Variants in USP34 observed in about 807,000 individuals in gnomAD.
USP34 encodes the protein ubiquitin specific peptidase 34.
USP34 carries 70 observed loss-of-function variants against 460.3 expected under a neutral mutation model. The observed-to-expected ratio is 0.15, with a 90% confidence interval of 0.13 to 0.19. The LOEUF is 0.19. Among genes scored for constraint, USP34 ranks in the 10% least tolerant of loss-of-function variants. The probability of loss-of-function intolerance (pLI) is 1.00; values close to 1 mark genes in which losing one functional copy is unlikely to be tolerated. For missense variants in USP34, 3,985 were observed against 4,236.2 expected (o/e 0.94, Z 1.65); for synonymous variants, 1,647 against 1,405.3 (o/e 1.17, Z -3.85).
At chr2:61,430,227 A>G (rs1299504611) in intron 1 of USP34, among the ~76,000 whole-genome samples, 1 of 129,354 alleles carries the variant, frequency 7.7e-6, no homozygotes, top group Non-Finnish European at 1.7e-5. Flanking sequence ...AAAAAAAAAA[A>G]AAAGAAAAGA....
Position 61,319,025 on chromosome 2 carries a change from C to CA in USP34, c.3168+147dup, listed in dbSNP as rs1572930688. The stretch of plus-strand genomic sequence containing the variant: ...CAACAAAATTAGAGCACAATCTGAC[C>CA]AAAAATTATATTAGGACTGCTAAAA... On this transcript the variant is annotated intron_variant, in intron 22 of 79. Coordinates refer to ENST00000398571, the MANE Select transcript of USP34 (RefSeq NM_014709.4). The CA allele has an allele frequency of 5.8e-6, 4 of 688,100 alleles. No homozygotes were observed. The East Asian group carries it at 1.0e-4, about 17-fold the overall frequency. 42.6% of individuals were successfully genotyped at this position (688,100 alleles called of 1,614,324 possible). A position where few individuals can be genotyped will look rare whatever the true frequency, so the allele number is the denominator to read the frequency against.
In USP34 at chr2:61,350,397, A is replaced by G; in HGVS notation, c.1378-8T>C. On this transcript the variant is annotated splice_polypyrimidine_tract_variant and splice_region_variant and intron_variant, in intron 11 of 79. Transcript: ENST00000398571. The stretch of plus-strand genomic sequence containing the variant: ...GGATGCCAAGTACAGTGTCTAAAAA[A>G]AAGAGGGAGAGATTTCAGTTTGAGA... 1 of 1,599,894 alleles carries G rather than the reference A, an allele frequency of 6.3e-7. No individual in the cohort carries two copies. The highest frequency in any genetic ancestry group is 8.5e-7 in the Non-Finnish European group (1 of 1,174,962).
intron 48 of USP34, among the ~76,000 whole-genome samples, chr2:61,254,394 C>G (rs551089289): frequency 7.9e-5 from 12 of 152,148 alleles, no homozygotes; most frequent in Non-Finnish European, 1.6e-4. Flanking sequence ...ACAGATAAAC[C>G]TAAAACTTGG....
At chr2:61,405,093 T>C (rs35085112) in intron 3 of USP34, among the ~76,000 whole-genome samples, 59,272 of 151,020 alleles carry the variant, frequency 0.39, 11,684 homozygotes, top group African/African-American at 0.43. Flanking sequence ...CTTAGCCAGG[T>C]GTGGTGGCAG....
chr2:61,229,458 A>G (rs1432908925), intron 59 of USP34, 90 bp downstream of exon 59: 2 of 305,640 alleles, frequency 6.5e-6, no homozygotes, highest in Admixed American at 6.2e-5. Flanking sequence ...CCTATCTCTT[A>G]AAAAAAAAAA....
chr2:61,356,918 T>TA (rs1692125491), intron 10 of USP34, among the ~76,000 whole-genome samples: 1 of 152,180 alleles, frequency 6.6e-6, no homozygotes, highest in Admixed American at 6.5e-5. Context: ...TAAACTTTAG[T>TA]AATACAAGAT....
chr2:61,418,786 A>G (rs925780409), intron 2 of USP34, among the ~76,000 whole-genome samples: 2 of 152,178 alleles, frequency 1.3e-5, no homozygotes, highest in African/African-American at 4.8e-5. Context: ...TTCTATCAGC[A>G]CAATTAAGAG....
At chr2:61,330,252 A>G (rs774071888) in intron 20 of USP34, among the ~76,000 whole-genome samples, 18 of 152,268 alleles carry the variant, frequency 1.2e-4, no homozygotes, top group African/African-American at 1.9e-4. Flanking sequence ...GGGTTGTTGT[A>G]TATCTTAAAA....
intron 61 of USP34, 98 bp from the exon 62 acceptor site, chr2:61,227,316 G>A: frequency 7.3e-7 from 1 of 1,367,976 alleles, no homozygotes; most frequent in Non-Finnish European, 9.9e-7. Flanking sequence ...ATGGTGGCAG[G>A]AGCTTGTAAC....
intron 57 of USP34, among the ~76,000 whole-genome samples, chr2:61,233,066 G>A (rs1219924109): frequency 6.6e-6 from 1 of 151,726 alleles, no homozygotes; most frequent in Non-Finnish European, 1.5e-5. Context: ...CACTATGTTG[G>A]CCAGGCTGGT....
chr2:61,341,560 A>T (rs1461579013), intron 16 of USP34, among the ~76,000 whole-genome samples: 1 of 151,836 alleles, frequency 6.6e-6, no homozygotes, highest in Non-Finnish European at 1.5e-5. Context: ...TTTAGAAGAG[A>T]GTGACACCCC....
intron 19 of USP34, among the ~76,000 whole-genome samples, chr2:61,332,343 C>CT (rs1284872294): frequency 1.3e-5 from 2 of 151,964 alleles, no homozygotes; most frequent in African/African-American, 4.8e-5. Context: ...CACAGGAGTT[C>CT]TTTTAAGTGA....
intron 5 of USP34, among the ~76,000 whole-genome samples, chr2:61,390,457 T>C (rs893985861): frequency 6.6e-6 from 1 of 152,198 alleles, no homozygotes; most frequent in East Asian, 1.9e-4. Flanking sequence ...GAAAACTACA[T>C]AAAAAGCTGC....
At chr2:61,206,705 T>A in intron 71 of USP34, 55 bp downstream of exon 71, 1 of 1,585,998 alleles carries the variant, frequency 6.3e-7, no homozygotes, top group South Asian at 1.2e-5. Flanking sequence ...TTTTAAAACC[T>A]TCTCTCTCTT....
At chr2:61,428,779 T>A (rs1384878404) in intron 1 of USP34, among the ~76,000 whole-genome samples, 1 of 152,138 alleles carries the variant, frequency 6.6e-6, no homozygotes, top group Non-Finnish European at 1.5e-5. Flanking sequence ...AAATTAGCTA[T>A]GCCGATTCAG....
chr2:61,194,157 G>T (rs1011825168), intron 75 of USP34: 1 of 985,272 alleles, frequency 1.0e-6, no homozygotes, highest in Non-Finnish European at 1.2e-6. Flanking sequence ...CACTCACTCA[G>T]AACTTACCAA....
chr2:61,392,092 G>C (rs184706707), intron 5 of USP34, among the ~76,000 whole-genome samples: 4 of 152,296 alleles, frequency 2.6e-5, no homozygotes, highest in Middle Eastern at 3.4e-3. Flanking sequence ...AGATAAAACA[G>C]AATCTAAGCC....
At chr2:61,294,836 T>C in intron 32 of USP34, 113 bp downstream of exon 32, 1 of 868,840 alleles carries the variant, frequency 1.2e-6, no homozygotes, top group Non-Finnish European at 1.8e-6. Flanking sequence ...TAAACTATGC[T>C]TTATTTTAAT....
chr2:61,324,937 C>T (rs1351768571), intron 21 of USP34, among the ~76,000 whole-genome samples: 1 of 151,906 alleles, frequency 6.6e-6, no homozygotes, highest in Non-Finnish European at 1.5e-5. Context: ...AAATCATGTC[C>T]TTTGCAGCAA....
Sources: gnomAD v4.1 joint callset for allele counts (sites outside exome capture counted in the v4.1 genomes callset) on GRCh38, gnomAD v4.1.1 for gene constraint, MANE v1.5 for transcripts, NCBI Gene and HGNC (gene_info 2026-07-23, HGNC 2026-07-21) for gene names.